Variants in B4GALNT2 observed in about 807,000 individuals in gnomAD.
B4GALNT2 encodes the protein beta-1,4-N-acetyl-galactosaminyltransferase 2 (SID blood group).
Under a neutral mutation model 51.1 loss-of-function variants are expected in B4GALNT2, and 42 were observed. That is an observed-to-expected ratio of 0.82 (90% CI 0.64 to 1.06). The LOEUF (loss-of-function observed/expected upper bound fraction) is 1.06, where lower values mean the gene tolerates loss of function less well. B4GALNT2 is among the 50% of genes least tolerant of loss of function. The pLI, the probability that B4GALNT2 is intolerant of heterozygous loss-of-function variation, is 0.00. For synonymous variants in B4GALNT2, 253 were observed against 251.7 expected, an observed-to-expected ratio of 1.01 and a Z score of -0.05; for missense variants, 602 against 633.6, an observed-to-expected ratio of 0.95 and a Z score of 0.54.
At chr17:49,134,733 G>A (rs2042575033) in intron 1 of B4GALNT2, among the ~76,000 whole-genome samples, 2 of 152,040 alleles carry the variant, frequency 1.3e-5, no homozygotes, top group Admixed American at 1.3e-4. Flanking sequence ...AATTACAGGC[G>A]CACGCCACCA....
chr17:49,132,628 G>T (rs1434220248), upstream of B4GALNT2: 12 of 696,442 alleles, frequency 1.7e-5, no homozygotes, highest in Non-Finnish European at 2.1e-5. Context: ...AGATGGGGGC[G>T]CTGGTGTGGG....
chr17:49,157,956 T>A (rs2042826163), intron 5 of B4GALNT2, among the ~76,000 whole-genome samples: 1 of 152,182 alleles, frequency 6.6e-6, no homozygotes, highest in Non-Finnish European at 1.5e-5. Flanking sequence ...GTGACACTAT[T>A]CAATTTCCTT....
In B4GALNT2 at chr17:49,172,513, T is replaced by G. The variant is rs919281523; in HGVS notation, c.*2785T>G. The G allele has an allele frequency of 1.3e-5, 2 of 153,650 alleles. No homozygotes were observed. The highest frequency in any genetic ancestry group is 4.8e-5 in the African/African-American group (2 of 41,520). 9.5% of individuals were successfully genotyped at this position (153,650 alleles called of 1,614,324 possible). On this transcript the variant is annotated 3_prime_UTR_variant, in exon 11 of 11. Transcript: ENST00000393354. ...GCAGGCTCAAAAAATTTAAAGTCAA[T>G]AATGCTAGAATCAATTGCATATGGG...
chr17:49,143,833 C>T (rs563031645), intron 3 of B4GALNT2, among the ~76,000 whole-genome samples: 17 of 132,296 alleles, frequency 1.3e-4, no homozygotes, highest in Admixed American at 3.8e-4. Flanking sequence ...GCTGAGGTCT[C>T]TCTTCCTCTT....
At chr17:49,133,282 G>T (rs2042558211) in intron 1 of B4GALNT2, 2 of 1,433,894 alleles carry the variant, frequency 1.4e-6, no homozygotes, top group Admixed American at 3.6e-5. Context: ...CGGCGGCTTG[G>T]TCTCCTCCAC....
chr17:49,152,283 T>C (rs1598207242), intron 3 of B4GALNT2, among the ~76,000 whole-genome samples: 1 of 151,970 alleles, frequency 6.6e-6, no homozygotes, highest in Admixed American at 6.6e-5. Context: ...AAGGCTGAGA[T>C]GGGAGGACTG....
chr17:49,175,192 A>T lies in B4GALNT2; in HGVS notation c.*5464A>T, dbSNP rs2042980188. The T allele has an allele frequency of 1.3e-5, 2 of 152,126 alleles. No individual in the cohort carries two copies. Among genetic ancestry groups the T allele is most frequent in the Admixed American group, 1.3e-4 (2 of 15,274 alleles). The allele number at this position is 152,126 out of a possible 1,614,324, so 9.4% of individuals were successfully genotyped here. A position where few individuals can be genotyped will look rare whatever the true frequency, so the allele number is the denominator to read the frequency against. On this transcript the variant is annotated 3_prime_UTR_variant, in exon 11 of 11. Transcript: ENST00000393354. ...GAAATGTCTGCTCCTGTATCTACCA[A>T]ACCTTTAAATTTCTTTCCCTGAATA... is the stretch of plus-strand genomic sequence containing the variant.
chr17:49,137,546 T>C (rs1053883826), intron 1 of B4GALNT2, among the ~76,000 whole-genome samples: 1 of 152,160 alleles, frequency 6.6e-6, no homozygotes. Context: ...CCCTGTAAAT[T>C]ACCCAGTCTC....
upstream of B4GALNT2, among the ~76,000 whole-genome samples, chr17:49,131,274 C>G (rs921201692): frequency 1.3e-5 from 2 of 152,072 alleles, no homozygotes; most frequent in African/African-American, 4.8e-5. Flanking sequence ...AAGAGGATCT[C>G]TTTTCCAGTC....
rs772347294 is a variant in B4GALNT2, at chr17:49,151,854, GA to G, written c.354-945del. ...ATTACTCCCATATACACTTTCTTGT[GA>G]TTTAGTTTATTTATTATTTCAGCGG... On this transcript the variant is annotated intron_variant, in intron 3 of 10. Transcript: ENST00000393354. Among the ~76,000 whole-genome samples the G allele has an allele frequency of 1.3e-3, 195 of 152,172 alleles. 1 individual carries two copies. The highest frequency in any genetic ancestry group is 2.2e-3 in the Non-Finnish European group (147 of 68,006).
intron 10 of B4GALNT2, 40 bp downstream of exon 10, chr17:49,168,940 G>A: frequency 1.3e-6 from 2 of 1,578,352 alleles, no homozygotes. Flanking sequence ...GCTGGGCTGG[G>A]AATTAGCTGC....
intron 8 of B4GALNT2, among the ~76,000 whole-genome samples, chr17:49,165,102 C>T (rs1279379106): frequency 6.6e-6 from 1 of 152,142 alleles, no homozygotes; most frequent in Non-Finnish European, 1.5e-5. Flanking sequence ...GCGTGAGCCA[C>T]TGTACACTGC....
chr17:49,121,564 GTGGGTATAC>G, the B4GALNT2 span, among the ~76,000 whole-genome samples: 3 of 152,230 alleles, frequency 2.0e-5, no homozygotes, highest in African/African-American at 7.2e-5. Context: ...AGTGCCAGAG[GTGGGTATAC>G]TGGGCACTGG....
At position 49,172,330 on chromosome 17, in the gene B4GALNT2, G is replaced by T; in HGVS notation, c.*2602G>T. On this transcript the variant is annotated 3_prime_UTR_variant, in exon 11 of 11. Coordinates refer to ENST00000393354, the MANE Select transcript of B4GALNT2 (RefSeq NM_001159387.2). ...CTTGATGGCACCCAAATTGGCTATT[G>T]ATTCGGTCCTGGAGAAACACAAGCA... is the stretch of plus-strand genomic sequence containing the variant. The T allele has an allele frequency of 6.1e-6, 1 of 164,892 alleles. No individual in the cohort carries two copies. The highest frequency in any genetic ancestry group is 1.8e-4 in the South Asian group (1 of 5,694). The allele number at this position is 164,892 out of a possible 1,614,324, so 10.2% of individuals were successfully genotyped here. A position where few individuals can be genotyped will look rare whatever the true frequency, so the allele number is the denominator to read the frequency against.
At chr17:49,131,513 C>CT (rs967138080), upstream of B4GALNT2, among the ~76,000 whole-genome samples, 5 of 123,882 alleles carry the variant, frequency 4.0e-5, no homozygotes, top group African/African-American at 5.9e-5. Flanking sequence ...CTTTTTTTCC[C>CT]TTTTTTTGAG....
intron 8 of B4GALNT2, among the ~76,000 whole-genome samples, chr17:49,165,887 G>T (rs2042907089): frequency 6.6e-6 from 1 of 152,118 alleles, no homozygotes; most frequent in South Asian, 2.1e-4. Context: ...CTTTGTCTCA[G>T]TCTTTGATCC....
chr17:49,168,438 T>A (rs553853044), intron 9 of B4GALNT2, among the ~76,000 whole-genome samples: 1 of 152,228 alleles, frequency 6.6e-6, no homozygotes, highest in East Asian at 1.9e-4. Flanking sequence ...GGGTAAGGGT[T>A]ACTCATGCCA....
upstream of B4GALNT2, among the ~76,000 whole-genome samples, chr17:49,131,213 C>G (rs546864204): frequency 2.0e-5 from 3 of 152,000 alleles, no homozygotes; most frequent in African/African-American, 7.2e-5. Flanking sequence ...TCTTTTTTTA[C>G]CCCCCTACAT....
At chr17:49,132,700 G>T, upstream of B4GALNT2, 1 of 1,352,994 alleles carries the variant, frequency 7.4e-7, no homozygotes, top group South Asian at 1.9e-5. Flanking sequence ...TACTCGCCGA[G>T]AATTTGCCCG....
Sources: gnomAD v4.1 joint callset for allele counts (sites outside exome capture counted in the v4.1 genomes callset) on GRCh38, gnomAD v4.1.1 for gene constraint, MANE v1.5 for transcripts, NCBI Gene and HGNC (gene_info 2026-07-23, HGNC 2026-07-21) for gene names.